ATP8A2: variants seen among roughly 807,000 people sequenced by gnomAD.
The protein encoded by ATP8A2 is phospholipid-transporting ATPase IB.
Under a neutral mutation model 165.6 loss-of-function variants are expected in ATP8A2, and 100 were observed. The observed-to-expected ratio is 0.60, with a 90% CI of 0.51 to 0.71. ATP8A2 has a LOEUF of 0.71. Ranked by LOEUF, ATP8A2 falls within the 30% of genes least tolerant of loss-of-function variation. The pLI, the probability that ATP8A2 is intolerant of heterozygous loss-of-function variation, is 0.00. For missense variants in ATP8A2, 1,227 were observed against 1,479.5 expected (o/e 0.83, Z 2.80); for synonymous variants, 543 against 548.8 (o/e 0.99, Z 0.15).
rs200797261 is a variant in ATP8A2 at position 25,623,108 on chromosome 13, G to A, written c.2211+33409G>A. Among the ~76,000 whole-genome samples the A allele has an allele frequency of 2.6e-5, 4 of 152,320 alleles. No homozygotes were observed. In the East Asian group the frequency reaches 5.8e-4, roughly 22 times the overall value. On this transcript the variant is annotated intron_variant, in intron 24 of 36. Coordinates refer to ENST00000381655, the MANE Select transcript of ATP8A2 (RefSeq NM_016529.6). Reference sequence around the variant, plus strand: ...TCAACAAAATGCCAGGACTGGCCACGCACAGTAGCTCATGCCTGTAATCTC... The same window carrying A: ...TCAACAAAATGCCAGGACTGGCCACACACAGTAGCTCATGCCTGTAATCTC...
At position 25,383,047 on chromosome 13, in the gene ATP8A2, A is replaced by G. The variant is rs572926050; in HGVS notation, c.76+10759A>G. On this transcript the variant is annotated intron_variant, in intron 1 of 36. Coordinates refer to ENST00000381655, the MANE Select transcript of ATP8A2 (RefSeq NM_016529.6). ...TGGGATTACAGGTGTGAGCCACCAC[A>G]CCCAGCCTTTTCTTTTTGAGACAGA... Among the ~76,000 whole-genome samples the G allele has an allele frequency of 3.8e-3, 508 of 134,226 alleles. 4 individuals carry two copies. The highest frequency in any genetic ancestry group is 5.1e-3 in the South Asian group (21 of 4,100). The allele number at this position is 134,226 out of a possible 152,430, so 88.1% of individuals were successfully genotyped here.
At chr13:25,453,278 C>T (rs570145748) in intron 1 of ATP8A2, among the ~76,000 whole-genome samples, 26 of 151,722 alleles carry the variant, frequency 1.7e-4, no homozygotes, top group Non-Finnish European at 3.1e-4. Context: ...AGGCGCCTGC[C>T]ACCACGCCCA....
chr13:25,609,535 G>GGATTAAAATATATATATATATATTTA (rs2040606721), intron 24 of ATP8A2, among the ~76,000 whole-genome samples: 1 of 26,610 alleles, frequency 3.8e-5, no homozygotes, highest in Non-Finnish European at 9.9e-5. Context: ...TATATATTTG[G>GGATTAAAATATATATATATATATTTA]GATTCAAATA....
intron 33 of ATP8A2, among the ~76,000 whole-genome samples, chr13:25,874,461 A>G (rs1261561253): frequency 6.6e-6 from 1 of 152,208 alleles, no homozygotes; most frequent in Non-Finnish European, 1.5e-5. Context: ...CGCTTGTTGT[A>G]TAATACTCAC....
intron 35 of ATP8A2, among the ~76,000 whole-genome samples, chr13:26,007,376 T>A (rs1250197767): frequency 6.6e-6 from 1 of 152,088 alleles, no homozygotes; most frequent in Non-Finnish European, 1.5e-5. Flanking sequence ...TCCAGTAGAG[T>A]GTTTTTATAA....
intron 35 of ATP8A2, among the ~76,000 whole-genome samples, chr13:25,989,792 A>G (rs1329574173): frequency 6.6e-6 from 1 of 152,186 alleles, no homozygotes; most frequent in South Asian, 2.1e-4. Flanking sequence ...TTGTTCCTTC[A>G]ACGTGGCCAT....
intron 23 of ATP8A2, among the ~76,000 whole-genome samples, chr13:25,585,086 ATG>A (rs2039884373): frequency 6.6e-6 from 1 of 152,184 alleles, no homozygotes; most frequent in South Asian, 2.1e-4. Flanking sequence ...GTTCCAAGAC[ATG>A]TGTGTCTCCT....
chr13:25,386,815 G>T (rs2033063994), intron 1 of ATP8A2, among the ~76,000 whole-genome samples: 1 of 152,080 alleles, frequency 6.6e-6, no homozygotes, highest in Admixed American at 6.5e-5. Context: ...GGCTAACACG[G>T]TGAAACCCCG....
chr13:25,637,092 CAAAAAAAAAAAAAA>C lies in ATP8A2; in HGVS notation c.2211+47409_2211+47422del, dbSNP rs56069703. On this transcript the variant is annotated intron_variant, in intron 24 of 36. Transcript: ENST00000381655. ...TGGGTGACAGAGCAAGACCCTGTCT[CAAAAAAAAAAAAAA>C]AAAAAAAAAAAAAAAGATTAAAAAC... 7.4e-5 allele frequency among the ~76,000 whole-genome samples: 5 copies of C among 67,688 alleles called. No individual in the cohort carries two copies. In the East Asian group the frequency reaches 9.5e-4, roughly 13 times the overall value. The allele number at this position is 67,688 out of a possible 152,430, so 44.4% of individuals were successfully genotyped here.
At chr13:25,526,252 ATTC>A (rs768106609) in intron 2 of ATP8A2, among the ~76,000 whole-genome samples, 1 of 152,038 alleles carries the variant, frequency 6.6e-6, no homozygotes, top group Non-Finnish European at 1.5e-5. Flanking sequence ...GCTATTTTGA[ATTC>A]TTCTTCAGAG....
intron 27 of ATP8A2, among the ~76,000 whole-genome samples, chr13:25,788,991 G>A (rs1040493813): frequency 6.6e-6 from 1 of 152,150 alleles, no homozygotes; most frequent in South Asian, 2.1e-4. Flanking sequence ...GAAAACTGAT[G>A]TACTTGTTTC....
At chr13:25,646,459 T>G (rs59476851) in intron 24 of ATP8A2, among the ~76,000 whole-genome samples, 5,249 of 151,906 alleles carry the variant, frequency 0.035, 158 homozygotes, top group East Asian at 0.13. Flanking sequence ...TTCAAGACGA[T>G]CCTGGCCAAG....
At chr13:25,830,770 C>G (rs767451076) in intron 28 of ATP8A2, among the ~76,000 whole-genome samples, 2 of 152,198 alleles carry the variant, frequency 1.3e-5, no homozygotes, top group Non-Finnish European at 2.9e-5. Context: ...CATGCCTACA[C>G]TCATGCACAC....
At chr13:25,380,633 A>G (rs540097730) in intron 1 of ATP8A2, among the ~76,000 whole-genome samples, 1 of 152,346 alleles carries the variant, frequency 6.6e-6, no homozygotes, top group South Asian at 2.1e-4. Context: ...GCTGCTAGAA[A>G]GTTTAAAATT....
At chr13:25,747,446 G>A (rs1312177486) in intron 25 of ATP8A2, among the ~76,000 whole-genome samples, 1 of 152,208 alleles carries the variant, frequency 6.6e-6, no homozygotes, top group African/African-American at 2.4e-5. Context: ...TTTGGCAGAT[G>A]TAGCAAAAGG....
At chr13:25,593,449 G>A (rs2040147924) in intron 24 of ATP8A2, among the ~76,000 whole-genome samples, 1 of 152,146 alleles carries the variant, frequency 6.6e-6, no homozygotes, top group African/African-American at 2.4e-5. Context: ...TAACTTCTAA[G>A]CTCCATAATA....
chr13:25,748,840 A>T (rs2044093795), intron 25 of ATP8A2, among the ~76,000 whole-genome samples: 1 of 152,112 alleles, frequency 6.6e-6, no homozygotes, highest in Non-Finnish European at 1.5e-5. Context: ...GGGTTATAGC[A>T]TTTTCAAAAT....
At chr13:25,486,293 A>G (rs933248817) in intron 2 of ATP8A2, among the ~76,000 whole-genome samples, 2 of 152,206 alleles carry the variant, frequency 1.3e-5, no homozygotes, top group African/African-American at 4.8e-5. Flanking sequence ...TACGTTTTTT[A>G]TAGAAATCAA....
chr13:25,576,532 G>T (rs2039623909), intron 19 of ATP8A2, among the ~76,000 whole-genome samples: 2 of 152,122 alleles, frequency 1.3e-5, no homozygotes. Context: ...TGGGCCATGA[G>T]GAAAGACGTG....
Sources: allele counts gnomAD v4.1 joint callset (sites outside exome capture counted in the v4.1 genomes callset), GRCh38; gene constraint gnomAD v4.1.1; transcripts MANE v1.5; gene names NCBI Gene and HGNC (gene_info 2026-07-23, HGNC 2026-07-21).